Variants in CCSER1 observed in about 807,000 individuals in gnomAD.
CCSER1 encodes serine-rich coiled-coil domain-containing protein 1.
In CCSER1, 41 loss-of-function variants were observed where a neutral mutation model predicts 82.0. The observed-to-expected ratio is 0.50, with a 90% CI of 0.39 to 0.65. CCSER1 has a LOEUF of 0.65. CCSER1 is among the 30% of genes least tolerant of loss of function. CCSER1 has a pLI of 0.00. For missense variants in CCSER1, 1,119 were observed against 1,064.2 expected, an observed-to-expected ratio of 1.05 and a Z score of -0.72; for synonymous variants, 414 against 383.9, an observed-to-expected ratio of 1.08 and a Z score of -0.92.
intron 10 of CCSER1, among the ~76,000 whole-genome samples, chr4:91,117,758 C>A (rs1726749477): frequency 6.6e-6 from 1 of 152,094 alleles, no homozygotes; most frequent in African/African-American, 2.4e-5. Flanking sequence ...AAAACCCTGG[C>A]TTTGCTACTC....
At chr4:90,827,230 A>G (rs1332012390) in intron 8 of CCSER1, among the ~76,000 whole-genome samples, 1 of 152,198 alleles carries the variant, frequency 6.6e-6, no homozygotes, top group Non-Finnish European at 1.5e-5. Context: ...TCTTCTGGTC[A>G]TTGTCATGAT....
chr4:90,666,403 G>A (rs1248341466), intron 6 of CCSER1, among the ~76,000 whole-genome samples: 1 of 152,136 alleles, frequency 6.6e-6, no homozygotes, highest in Non-Finnish European at 1.5e-5. Flanking sequence ...ACATGAAGAG[G>A]TCAGTGAACT....
chr4:90,683,347 G>A (rs552658793), intron 6 of CCSER1, among the ~76,000 whole-genome samples: 1 of 151,900 alleles, frequency 6.6e-6, no homozygotes, highest in Non-Finnish European at 1.5e-5. Context: ...TAAATATCCT[G>A]TCTTAAAGAG....
At chr4:90,374,256 T>G (rs1340398061) in intron 3 of CCSER1, among the ~76,000 whole-genome samples, 3 of 152,208 alleles carry the variant, frequency 2.0e-5, no homozygotes, top group African/African-American at 7.2e-5. Flanking sequence ...TTGATCACAT[T>G]AATGGTCAAC....
chr4:91,589,692 C>G (rs1391962346), intron 10 of CCSER1, among the ~76,000 whole-genome samples: 1 of 151,298 alleles, frequency 6.6e-6, no homozygotes, highest in Non-Finnish European at 1.5e-5. Context: ...ATAAATTTAA[C>G]TTAAATCTTT....
In CCSER1 at chr4:90,933,334, C is replaced by G. The variant is rs991752356; in HGVS notation, c.2172+9887C>G. Among the ~76,000 whole-genome samples the G allele has an allele frequency of 9.9e-5, 15 of 151,548 alleles. No homozygotes were observed. In the East Asian group the frequency reaches 2.7e-3, roughly 28 times the overall value. On this transcript the variant is annotated intron_variant, in intron 9 of 10. Coordinates refer to ENST00000509176, the MANE Select transcript of CCSER1 (RefSeq NM_001145065.2). ...TCCTGAGTAGCTGGGACTACAGGCG[C>G]CCGCCACCACGCCCGGCTAATTTTT...
chr4:90,158,604 G>A (rs891549840), intron 1 of CCSER1, among the ~76,000 whole-genome samples: 4 of 152,192 alleles, frequency 2.6e-5, no homozygotes, highest in Admixed American at 2.6e-4. Context: ...CCCCAGCCTG[G>A]CTGCCGCCTT....
chr4:90,736,086 T>C lies in CCSER1; in HGVS notation c.2010+12095T>C, dbSNP rs72875631. Among the ~76,000 whole-genome samples, 1,040 of 152,250 alleles carry C rather than the reference T, an allele frequency of 6.8e-3. 15 individuals carry two copies. The highest frequency in any genetic ancestry group is 0.024 in the African/African-American group (986 of 41,572). ...AAAGAAGATAATTGATATAATCTCA[T>C]TTAAACAAAATTGTAAGACTTGTTC... is the stretch of plus-strand genomic sequence containing the variant. On this transcript the variant is annotated intron_variant, in intron 7 of 10. Transcript: ENST00000509176.
At chr4:90,495,103 A>G (rs1237265847) in intron 5 of CCSER1, among the ~76,000 whole-genome samples, 2 of 152,002 alleles carry the variant, frequency 1.3e-5, no homozygotes, top group Non-Finnish European at 2.9e-5. Context: ...AATCTTCTCT[A>G]TTTTCACAGT....
At chr4:91,344,392 C>T (rs1747917203) in intron 10 of CCSER1, among the ~76,000 whole-genome samples, 1 of 152,084 alleles carries the variant, frequency 6.6e-6, no homozygotes, top group African/African-American at 2.4e-5. Context: ...ATAATTATAA[C>T]AAAGAAATAT....
chr4:91,378,782 C>A (rs1225047814), intron 10 of CCSER1, among the ~76,000 whole-genome samples: 10 of 152,060 alleles, frequency 6.6e-5, no homozygotes, highest in South Asian at 4.1e-4. Flanking sequence ...AACTTCCAAC[C>A]CTATGTTGAA....
At chr4:91,030,284 A>G (rs1740859370) in intron 9 of CCSER1, among the ~76,000 whole-genome samples, 1 of 152,148 alleles carries the variant, frequency 6.6e-6, no homozygotes, top group Non-Finnish European at 1.5e-5. Flanking sequence ...AGATGCCAAC[A>G]TTGTCCAAAT....
At chr4:90,992,983 C>T (rs1737173946) in intron 9 of CCSER1, among the ~76,000 whole-genome samples, 1 of 151,992 alleles carries the variant, frequency 6.6e-6, no homozygotes, top group African/African-American at 2.4e-5. Flanking sequence ...TGGAAGTGGG[C>T]ATCATTGGAG....
chr4:90,811,942 C>T (rs1416954188), intron 7 of CCSER1, among the ~76,000 whole-genome samples: 1 of 141,422 alleles, frequency 7.1e-6, no homozygotes, highest in African/African-American at 2.6e-5. Context: ...CACATATATA[C>T]ACTTAATAAA....
intron 4 of CCSER1, among the ~76,000 whole-genome samples, chr4:90,424,973 C>T (rs75922998): frequency 6.6e-6 from 1 of 152,268 alleles, no homozygotes; most frequent in African/African-American, 2.4e-5. Flanking sequence ...TTAATTCTCA[C>T]ATTTCTTTTT....
intron 7 of CCSER1, among the ~76,000 whole-genome samples, chr4:90,733,269 T>A (rs537318351): frequency 2.6e-5 from 4 of 152,346 alleles, no homozygotes; most frequent in Admixed American, 2.0e-4. Flanking sequence ...TTGATTTGCA[T>A]TTCTCTGATG....
chr4:90,426,031 G>T (rs1371636643), intron 4 of CCSER1, among the ~76,000 whole-genome samples: 1 of 152,124 alleles, frequency 6.6e-6, no homozygotes, highest in Non-Finnish European at 1.5e-5. Flanking sequence ...GGATAAGTGG[G>T]TATTGATAAA....
At chr4:90,187,763 T>A (rs1451238563) in intron 1 of CCSER1, among the ~76,000 whole-genome samples, 1 of 151,982 alleles carries the variant, frequency 6.6e-6, no homozygotes, top group East Asian at 1.9e-4. Flanking sequence ...ATGAATATAG[T>A]GTCTTGAAGG....
intron 8 of CCSER1, among the ~76,000 whole-genome samples, chr4:90,837,573 C>G (rs1580712207): frequency 6.6e-6 from 1 of 152,112 alleles, no homozygotes; most frequent in East Asian, 1.9e-4. Flanking sequence ...TGACTGAATA[C>G]AAACAAATAA....
Sources: gnomAD v4.1 joint callset for allele counts (sites outside exome capture counted in the v4.1 genomes callset) on GRCh38, gnomAD v4.1.1 for gene constraint, MANE v1.5 for transcripts, NCBI Gene and HGNC (gene_info 2026-07-23, HGNC 2026-07-21) for gene names.